Variants in ZFAT observed in about 807,000 individuals in gnomAD.
The protein encoded by ZFAT is zinc finger protein ZFAT.
Under a neutral mutation model 117.7 loss-of-function variants are expected in ZFAT, and 64 were observed. The ratio of observed to expected loss-of-function variants is 0.54; its 90% CI spans 0.44 to 0.67. The LOEUF (loss-of-function observed/expected upper bound fraction) is 0.67. Among genes scored for constraint, ZFAT ranks in the 30% least tolerant of loss-of-function variants. The pLI, the probability that ZFAT is intolerant of heterozygous loss-of-function variation, is 0.00. For synonymous variants in ZFAT, 679 were observed against 615.0 expected (o/e 1.10, Z -1.54); for missense variants, 1,433 against 1,584.5 (o/e 0.90, Z 1.62).
Position 134,601,660 on chromosome 8 carries a change from G to A in ZFAT, c.2059C>T (p.Pro687Ser), listed in dbSNP as rs1827473816. The change falls in exon 6 of 16, where the codon CCA becomes TCA. Residue 687 changes from proline to serine, a missense_variant. Coordinates refer to ENST00000377838, the MANE Select transcript of ZFAT (RefSeq NM_020863.4). ...NPAEASDLLP[P>S]VAGGGDTITH... ...ATGGTGTCCCCACCACCAGCTACTG[G>A]AGGGAGGAGGTCTGAGGCCTCAGCT... 4 of 1,614,118 alleles carry A rather than the reference G, an allele frequency of 2.5e-6. No homozygotes were observed. The highest frequency in any genetic ancestry group is 2.5e-6 in the Non-Finnish European group (3 of 1,180,050).
chr8:134,626,001 GT>G (rs1829471302), intron 3 of ZFAT, among the ~76,000 whole-genome samples: 1 of 152,194 alleles, frequency 6.6e-6, no homozygotes, highest in South Asian at 2.1e-4. Flanking sequence ...CTACCACATA[GT>G]CCCTGAGAGC....
chr8:134,653,269 T>TC (rs1441852865), intron 2 of ZFAT, among the ~76,000 whole-genome samples: 1 of 99,130 alleles, frequency 1.0e-5, no homozygotes. Context: ...AATGTCTTTT[T>TC]TAAAAAAAAA....
chr8:134,600,593 G>C lies in ZFAT; in HGVS notation c.2318C>G (p.Ser773Cys), dbSNP rs1827342490. 6.2e-7 allele frequency: 1 copy of C among 1,614,006 alleles called. No individual in the cohort carries two copies. The highest frequency in any genetic ancestry group is 8.5e-7 in the Non-Finnish European group (1 of 1,180,038). ...GGTGATGGAAGAATAATGACACTGA[G>C]AGCAATAATACAGATGTTCCCGGGT... is the stretch of plus-strand genomic sequence containing the variant. ...THTREHLYYC[S>C]QCHYSSITKN... Residue 773 changes from serine (S) to cysteine (C), a missense_variant, in exon 7 of 16, where the codon TCT (serine) becomes TGT (cysteine). Ser to Cys is a moderately radical substitution (Grantham distance 112). Around this residue, in one of 5 missense-constraint regions of ZFAT, gnomAD observed 49 missense variants for 81.5 expected, o/e 0.60. Transcript: ENST00000377838.
chr8:134,536,332 G>T (rs1412038283), intron 11 of ZFAT, among the ~76,000 whole-genome samples: 1 of 152,142 alleles, frequency 6.6e-6, no homozygotes, highest in Non-Finnish European at 1.5e-5. Flanking sequence ...TGATGCAGGG[G>T]GTTCAAAACA....
chr8:134,588,079 G>A (rs1016775068), intron 9 of ZFAT, among the ~76,000 whole-genome samples, 167 bp downstream of exon 9: 5 of 152,160 alleles, frequency 3.3e-5, no homozygotes, highest in African/African-American at 1.2e-4. Context: ...ATTAAGTAAT[G>A]GTTTAAATTA....
intron 13 of ZFAT, among the ~76,000 whole-genome samples, chr8:134,514,326 A>G (rs2130412433): frequency 6.6e-6 from 1 of 152,336 alleles, no homozygotes; most frequent in East Asian, 1.9e-4. Flanking sequence ...GACAAGATAG[A>G]TTGAGTTTTA....
intron 1 of ZFAT, among the ~76,000 whole-genome samples, chr8:134,673,969 G>A (rs1832675619): frequency 6.6e-6 from 1 of 152,176 alleles, no homozygotes; most frequent in African/African-American, 2.4e-5. Flanking sequence ...AAAAACTGAG[G>A]TAGCTGGCAA....
chr8:134,547,673 C>T (rs1277453511), intron 11 of ZFAT, among the ~76,000 whole-genome samples: 5 of 152,308 alleles, frequency 3.3e-5, no homozygotes, highest in Admixed American at 6.5e-5. Context: ...TTGAACATAA[C>T]AATAATGAAG....
intron 2 of ZFAT, among the ~76,000 whole-genome samples, chr8:134,652,564 A>T (rs1402618308): frequency 6.6e-6 from 1 of 152,232 alleles, no homozygotes; most frequent in African/African-American, 2.4e-5. Context: ...ACAAGTGTTA[A>T]TATTTTCTAT....
intron 3 of ZFAT, among the ~76,000 whole-genome samples, chr8:134,629,601 T>C (rs1829750733): frequency 6.6e-6 from 1 of 152,156 alleles, no homozygotes; most frequent in African/African-American, 2.4e-5. Context: ...TAGTGAGATC[T>C]GATGTTCTCA....
At chr8:134,587,447 A>T (rs1826149402) in intron 9 of ZFAT, among the ~76,000 whole-genome samples, 1 of 151,972 alleles carries the variant, frequency 6.6e-6, no homozygotes, top group East Asian at 1.9e-4. Context: ...AGGTCATTTT[A>T]TCCCATATTA....
chr8:134,586,335 T>C (rs1319459411), intron 9 of ZFAT, among the ~76,000 whole-genome samples: 1 of 152,266 alleles, frequency 6.6e-6, no homozygotes, highest in African/African-American at 2.4e-5. Flanking sequence ...ACCCAATATG[T>C]GCTAAGCCTT....
At chr8:134,721,270 G>C in the ZFAT span, among the ~76,000 whole-genome samples, 1 of 152,188 alleles carries the variant, frequency 6.6e-6, no homozygotes, top group Admixed American at 6.5e-5. Context: ...ACCAGTCAGC[G>C]TGCTGCTGAG....
chr8:134,499,112 T>C (rs1212920005), intron 15 of ZFAT, among the ~76,000 whole-genome samples: 2 of 106,454 alleles, frequency 1.9e-5, no homozygotes, highest in Non-Finnish European at 2.0e-5. Flanking sequence ...GATGCCCCCG[T>C]TGCTGGTTAC....
chr8:134,767,657 T>G, the ZFAT span, among the ~76,000 whole-genome samples: 17 of 152,178 alleles, frequency 1.1e-4, no homozygotes, highest in Non-Finnish European at 2.4e-4. Flanking sequence ...GGCAACATAA[T>G]GAGATGCTGT....
the ZFAT span, among the ~76,000 whole-genome samples, chr8:134,819,403 G>T: frequency 1.3e-5 from 2 of 149,310 alleles, no homozygotes; most frequent in Non-Finnish European, 3.0e-5. Context: ...TATAGGTCAA[G>T]AAAAATATTA....
intron 11 of ZFAT, among the ~76,000 whole-genome samples, chr8:134,547,632 T>C (rs900955558): frequency 2.0e-5 from 3 of 152,208 alleles, no homozygotes; most frequent in Non-Finnish European, 4.4e-5. Flanking sequence ...TTACATGAAC[T>C]CCCTCTTACA....
At chr8:134,801,533 C>T in the ZFAT span, among the ~76,000 whole-genome samples, 534 of 152,228 alleles carry the variant, frequency 3.5e-3, no homozygotes, top group Middle Eastern at 0.01. Context: ...CTTGTCCCTT[C>T]GGGCTGTTTT....
intron 15 of ZFAT, among the ~76,000 whole-genome samples, chr8:134,491,675 T>G (rs1373345692): frequency 6.6e-6 from 1 of 152,230 alleles, no homozygotes; most frequent in Non-Finnish European, 1.5e-5. Flanking sequence ...GGAGTCTTTC[T>G]TACGATGTCA....
Sources: gnomAD v4.1 joint callset for allele counts (sites outside exome capture counted in the v4.1 genomes callset) on GRCh38, gnomAD v4.1.1 for gene constraint, gnomAD v4.1.1 regional missense constraint, MANE v1.5 for transcripts, NCBI Gene and HGNC (gene_info 2026-07-23, HGNC 2026-07-21) for gene names.